PCDHGA2: variants seen among roughly 807,000 people sequenced by gnomAD.
PCDHGA2 encodes protocadherin gamma-A2.
A neutral mutation model predicts 59.2 loss-of-function variants in PCDHGA2; 40 were observed. The observed-to-expected ratio is 0.68, with a 90% CI of 0.52 to 0.88. PCDHGA2 has a LOEUF of 0.88. Ranked by LOEUF, PCDHGA2 falls within the 40% of genes least tolerant of loss-of-function variation. The pLI is 0.00. For missense variants in PCDHGA2, 1,226 were observed against 1,204.0 expected, an observed-to-expected ratio of 1.02 and a Z score of -0.27; for synonymous variants, 560 against 526.0, an observed-to-expected ratio of 1.06 and a Z score of -0.89.
intron 1 of PCDHGA2, chr5:141,475,956 G>T (rs2099382674): frequency 2.5e-6 from 2 of 805,186 alleles, no homozygotes; most frequent in South Asian, 1.9e-5. Flanking sequence ...TCTGCGCCCC[G>T]GGATGAGGCA....
intron 1 of PCDHGA2, among the ~76,000 whole-genome samples, chr5:141,369,405 G>A (rs537824749): frequency 6.6e-6 from 1 of 152,288 alleles, no homozygotes; most frequent in Admixed American, 6.5e-5. Flanking sequence ...GGTGGTTCAT[G>A]ACTATAATCC....
At chr5:141,361,658 G>T in intron 1 of PCDHGA2, 1 of 1,613,762 alleles carries the variant, frequency 6.2e-7, no homozygotes, top group African/African-American at 1.3e-5. Context: ...GTGTCCGTGA[G>T]CGCGCAGAGC....
At position 141,432,195 on chromosome 5, in the gene PCDHGA2, C is replaced by G; in HGVS notation, c.2425-62612C>G. 1 of 1,614,206 alleles carries G rather than the reference C, an allele frequency of 6.2e-7. No individual in the cohort carries two copies. The highest frequency in any genetic ancestry group is 8.5e-7 in the Non-Finnish European group (1 of 1,180,050). On this transcript the variant is annotated intron_variant, in intron 1 of 3. Transcript: ENST00000394576. The surrounding 1 kb of genome is among the most constrained non-coding windows in gnomAD (Gnocchi z 6.0). ...CTCGTCTCTGTGACCGCCCACGACC[C>G]CGACTGTGAAGAGAACGCCCAGATC...
chr5:141,489,124 A>C lies in PCDHGA2; in HGVS notation c.2425-5683A>C. The C allele has an allele frequency of 3.6e-6, 2 of 556,652 alleles. No individual in the cohort carries two copies. Among genetic ancestry groups the C allele is most frequent in the South Asian group, 3.3e-5 (1 of 30,014 alleles). The allele number at this position is 556,652 out of a possible 1,614,324, so 34.5% of individuals were successfully genotyped here. On this transcript the variant is annotated intron_variant, in intron 1 of 3. Transcript: ENST00000394576. The surrounding 1 kb of genome is among the most constrained non-coding windows in gnomAD (Gnocchi z 4.5). ...GCTGCAAGCAGGCAAACCTCCGAGC[A>C]GTTTTTAAGAGGCTGGAAGGAGACA...
rs953397576 is a variant in PCDHGA2, at chr5:141,410,111, G to A, written c.2424+68716G>A. 6 of 1,612,264 alleles carry A rather than the reference G, an allele frequency of 3.7e-6. No homozygotes were observed. In the African/African-American group the frequency reaches 6.7e-5, roughly 18 times the overall value. On this transcript the variant is annotated intron_variant, in intron 1 of 3. Transcript: ENST00000394576. ...GGCTCGAGCCTTAGGCGACAGGGACGCAGCCCGCCAGCGCCTGCTGGTCGC... is the reference window on the plus strand; with the variant it reads ...GGCTCGAGCCTTAGGCGACAGGGACACAGCCCGCCAGCGCCTGCTGGTCGC...
intron 1 of PCDHGA2, chr5:141,413,527 G>T (rs768496934): frequency 1.2e-6 from 2 of 1,613,820 alleles, no homozygotes; most frequent in African/African-American, 1.3e-5. Flanking sequence ...GGAAGACAGG[G>T]TGAAACTTTT....
At chr5:141,347,141 T>TTCTTTCTC (rs1757900231) in intron 1 of PCDHGA2, among the ~76,000 whole-genome samples, 1 of 89,964 alleles carries the variant, frequency 1.1e-5, no homozygotes, top group African/African-American at 3.7e-5. Flanking sequence ...GTTTCTCTCT[T>TTCTTTCTC]TCTTTCTTTC....
chr5:141,428,324 T>C, intron 1 of PCDHGA2: 1 of 642,806 alleles, frequency 1.6e-6, no homozygotes, highest in Non-Finnish European at 2.8e-6. Flanking sequence ...TTGGCCTTGA[T>C]TTCTATGCTC....
chr5:141,491,945 C>T lies in PCDHGA2; in HGVS notation c.2425-2862C>T. ...GAGGGGAGGTGGGACCGACCCCCAC[C>T]CCTACACTCAAAAAAGGCCGGGGCC... On this transcript the variant is annotated intron_variant, in intron 1 of 3. Coordinates refer to ENST00000394576, the MANE Select transcript of PCDHGA2 (RefSeq NM_018915.4). The surrounding 1 kb of genome is among the most constrained non-coding windows in gnomAD (Gnocchi z 6.9). 1.8e-6 allele frequency: 2 copies of T among 1,116,616 alleles called. No individual in the cohort carries two copies. 69.2% of individuals were successfully genotyped at this position (1,116,616 alleles called of 1,614,324 possible). A position where few individuals can be genotyped will look rare whatever the true frequency, so the allele number is the denominator to read the frequency against.
In PCDHGA2 at chr5:141,364,165, C is replaced by A. The variant is rs556224229; in HGVS notation, c.2424+22770C>A. ...GGAAAGAAGCTGCCGCAGAGGCGAC[C>A]CGACTCTGCTCCCTCCATACTAAAC... On this transcript the variant is annotated intron_variant, in intron 1 of 3. Coordinates refer to ENST00000394576, the MANE Select transcript of PCDHGA2 (RefSeq NM_018915.4). The A allele has an allele frequency of 4.3e-6, 3 of 699,866 alleles. No individual in the cohort carries two copies. In the Admixed American group the frequency reaches 1.1e-4, roughly 26 times the overall value. 43.4% of individuals were successfully genotyped at this position (699,866 alleles called of 1,614,324 possible).
rs1562157859 is a variant in PCDHGA2 at position 141,493,022 on chromosome 5, G to GTGCC, written c.2425-1784_2425-1781dup. Among the ~76,000 whole-genome samples, 2 of 152,222 alleles carry GTGCC rather than the reference G, an allele frequency of 1.3e-5. No homozygotes were observed. Among genetic ancestry groups the GTGCC allele is most frequent in the African/African-American group, 4.8e-5 (2 of 41,454 alleles). ...GCTATAGGCTCTGCCAGATGCCAGG[G>GTGCC]TGCCCTTATGTGTGAGGAAACTACA... On this transcript the variant is annotated intron_variant, in intron 1 of 3. Coordinates refer to ENST00000394576, the MANE Select transcript of PCDHGA2 (RefSeq NM_018915.4). The surrounding 1 kb of genome is among the most constrained non-coding windows in gnomAD (Gnocchi z 4.3).
At chr5:141,371,954 C>A in intron 1 of PCDHGA2, 1 of 1,613,274 alleles carries the variant, frequency 6.2e-7, no homozygotes, top group Non-Finnish European at 8.5e-7. Flanking sequence ...AGCGAGCCTT[C>A]GACCACGAGC....
intron 3 of PCDHGA2, chr5:141,507,335 T>A (rs1228652205): frequency 6.6e-6 from 1 of 151,804 alleles, no homozygotes; most frequent in Non-Finnish European, 1.5e-5. Context: ...TGCTCATTGT[T>A]TACCTGAAAT....
At chr5:141,350,809 T>C (rs1758566818) in intron 1 of PCDHGA2, 8 of 1,613,916 alleles carry the variant, frequency 5.0e-6, no homozygotes, top group Middle Eastern at 1.6e-4. Context: ...AGGAAAGTCC[T>C]GATGGAAGTA....
intron 1 of PCDHGA2, chr5:141,419,262 G>C: frequency 1.9e-6 from 3 of 1,614,014 alleles, no homozygotes; most frequent in Non-Finnish European, 2.5e-6. Context: ...AACCAGCCGG[G>C]TGCCTCCATA....
At position 141,477,067 on chromosome 5, in the gene PCDHGA2, C is replaced by G. The variant is rs370882752; in HGVS notation, c.2425-17740C>G. 5.6e-5 allele frequency: 91 copies of G among 1,614,116 alleles called. No individual in the cohort carries two copies. Among genetic ancestry groups the G allele is most frequent in the Non-Finnish European group, 7.7e-5 (91 of 1,180,042 alleles). ...GGCTGGACTTCGAGGACACCAAACT[C>G]CATGAGATTTACATCCAGGCCAAAG... On this transcript the variant is annotated intron_variant, in intron 1 of 3. Transcript: ENST00000394576. This position sits in a 1 kb window ranked among gnomAD's most constrained non-coding sequence, Gnocchi z 4.9.
intron 1 of PCDHGA2, among the ~76,000 whole-genome samples, chr5:141,465,788 T>A (rs1322471400): frequency 6.6e-6 from 1 of 152,110 alleles, no homozygotes; most frequent in Non-Finnish European, 1.5e-5. Context: ...AGTTTTTTTT[T>A]TTTTAAGAAA....
At chr5:141,356,885 T>A in intron 1 of PCDHGA2, 2 of 1,614,172 alleles carry the variant, frequency 1.2e-6, no homozygotes, top group Non-Finnish European at 1.7e-6. Flanking sequence ...GTCCCTGAGA[T>A]CCTGTACCCC....
chr5:141,464,273 A>G (rs1330533734), intron 1 of PCDHGA2, among the ~76,000 whole-genome samples: 1 of 136,736 alleles, frequency 7.3e-6, no homozygotes, highest in African/African-American at 3.0e-5. Context: ...TAAAAAAAAA[A>G]AAAAGCAAAA....
Sources: allele counts gnomAD v4.1 joint callset (sites outside exome capture counted in the v4.1 genomes callset), GRCh38; gene constraint gnomAD v4.1.1; non-coding constraint Gnocchi (gnomAD v3.1); transcripts MANE v1.5; gene names NCBI Gene and HGNC (gene_info 2026-07-23, HGNC 2026-07-21).